The following OLFM3 variants were observed in gnomAD, a reference collection of about 807,000 sequenced individuals.
The protein encoded by OLFM3 is noelin-3.
A neutral mutation model predicts 48.6 loss-of-function variants in OLFM3; 20 were observed. The observed-to-expected ratio is 0.41, with a 90% confidence interval of 0.29 to 0.60. OLFM3 has a LOEUF of 0.60. Among genes scored for constraint, OLFM3 ranks in the 20% least tolerant of loss-of-function variants. OLFM3 has a pLI of 0.28. For synonymous variants in OLFM3, 222 were observed against 198.1 expected, an observed-to-expected ratio of 1.12 and a Z score of -1.01; for missense variants, 437 against 544.3, an observed-to-expected ratio of 0.80 and a Z score of 1.96.
At chr1:101,922,412 C>A (rs922320597) in intron 1 of OLFM3, among the ~76,000 whole-genome samples, 2 of 152,150 alleles carry the variant, frequency 1.3e-5, no homozygotes, top group Non-Finnish European at 1.5e-5. Flanking sequence ...CCCATACATA[C>A]AGCTGATCTC....
At chr1:101,859,233 G>C (rs189236873) in intron 1 of OLFM3, among the ~76,000 whole-genome samples, 85 of 152,162 alleles carry the variant, frequency 5.6e-4, no homozygotes, top group Admixed American at 4.6e-4. Flanking sequence ...ATGTCTTTAT[G>C]GAGTTTCAGG....
At chr1:101,934,708 T>C (rs954682095) in intron 1 of OLFM3, among the ~76,000 whole-genome samples, 32 of 151,752 alleles carry the variant, frequency 2.1e-4, no homozygotes, top group African/African-American at 7.8e-4. Context: ...AAATCAACCA[T>C]GCATTCAGCC....
chr1:101,867,464 T>A (rs903718769), intron 1 of OLFM3, among the ~76,000 whole-genome samples: 3 of 152,196 alleles, frequency 2.0e-5, no homozygotes, highest in Admixed American at 6.5e-5. Flanking sequence ...GTTTATAAAG[T>A]CAATCTAGAC....
chr1:101,899,736 C>G (rs955410956), intron 1 of OLFM3, among the ~76,000 whole-genome samples: 3 of 151,890 alleles, frequency 2.0e-5, no homozygotes, highest in Non-Finnish European at 4.4e-5. Context: ...TAAAAAAATA[C>G]AAAACTGTTT....
intron 4 of OLFM3, among the ~76,000 whole-genome samples, chr1:101,822,878 A>T (rs1450860044): frequency 6.7e-6 from 1 of 150,180 alleles, no homozygotes; most frequent in African/African-American, 2.4e-5. Flanking sequence ...AAAGCAGAGC[A>T]TGTAAAATAA....
chr1:101,844,760 A>AATTTTC (rs1655903490), intron 1 of OLFM3, among the ~76,000 whole-genome samples: 1 of 152,144 alleles, frequency 6.6e-6, no homozygotes, highest in Non-Finnish European at 1.5e-5. Context: ...TTATGTTTTG[A>AATTTTC]ATTTTCATTT....
At chr1:101,904,786 A>G (rs1411589631) in intron 1 of OLFM3, among the ~76,000 whole-genome samples, 1 of 152,056 alleles carries the variant, frequency 6.6e-6, no homozygotes, top group East Asian at 1.9e-4. Context: ...ATTATGAAAA[A>G]CAGCCATCCA....
At chr1:101,937,677 T>G (rs1398394035) in intron 1 of OLFM3, among the ~76,000 whole-genome samples, 1 of 152,160 alleles carries the variant, frequency 6.6e-6, no homozygotes, top group Non-Finnish European at 1.5e-5. Flanking sequence ...ATTAAACCTC[T>G]TTTTCCTCCC....
At chr1:101,865,093 C>A (rs1656804565) in intron 1 of OLFM3, among the ~76,000 whole-genome samples, 1 of 152,158 alleles carries the variant, frequency 6.6e-6, no homozygotes, top group Admixed American at 6.6e-5. Flanking sequence ...TTTCTGCCTC[C>A]TCCTTATGTA....
At chr1:101,845,179 T>C (rs865943094) in intron 1 of OLFM3, among the ~76,000 whole-genome samples, 15 of 152,104 alleles carry the variant, frequency 9.9e-5, no homozygotes, top group Middle Eastern at 3.4e-3. Context: ...TATTATTTTC[T>C]TATTATTATT....
intron 1 of OLFM3, among the ~76,000 whole-genome samples, chr1:101,849,826 G>A (rs901234065): frequency 6.6e-6 from 1 of 152,162 alleles, no homozygotes; most frequent in Admixed American, 6.5e-5. Flanking sequence ...TTTGGATGAT[G>A]AGCGTCAATC....
rs74106136 is a variant in OLFM3 at position 101,836,930 on chromosome 1, G to A, written c.165C>T (p.Asn55=). Residue 55 remains asparagine (N), a synonymous_variant, in exon 2 of 6, where the codon AAC becomes AAT. Transcript: ENST00000370103. Reference sequence around the variant, plus strand: ...TGCTTTTGGCATCCCGGGAACACAGGTTTTGTTCTGGAGCAACAACTGTGC... The same window carrying A: ...TGCTTTTGGCATCCCGGGAACACAGATTTTGTTCTGGAGCAACAACTGTGC... ...CICTVVAPEQ[N]LCSRDAKSRQ... The A allele has an allele frequency of 1.0e-3, 1,676 of 1,614,096 alleles. 17 individuals are homozygous for A. In the African/African-American group the frequency reaches 0.019, roughly 19 times the overall value.
At chr1:101,890,096 A>G (rs1285537412) in intron 1 of OLFM3, among the ~76,000 whole-genome samples, 2 of 152,080 alleles carry the variant, frequency 1.3e-5, no homozygotes, top group African/African-American at 2.4e-5. Flanking sequence ...CCTTTTAATG[A>G]TCTTGGAAAA....
At chr1:101,977,907 A>G (rs1402292570) in intron 1 of OLFM3, among the ~76,000 whole-genome samples, 1 of 152,150 alleles carries the variant, frequency 6.6e-6, no homozygotes, top group East Asian at 1.9e-4. Context: ...ATGAAAAATA[A>G]TATGTTTATA....
chr1:101,871,822 A>G (rs969764603), intron 1 of OLFM3, among the ~76,000 whole-genome samples: 1 of 152,124 alleles, frequency 6.6e-6, no homozygotes, highest in Non-Finnish European at 1.5e-5. Context: ...TGAAACTAGA[A>G]TTTACATTAA....
intron 1 of OLFM3, among the ~76,000 whole-genome samples, chr1:101,839,485 G>C (rs1570547162): frequency 6.6e-6 from 1 of 152,094 alleles, no homozygotes; most frequent in East Asian, 1.9e-4. Flanking sequence ...GTTTTAGCTG[G>C]GCATCTCCTA....
chr1:101,859,495 T>C (rs1656563469), intron 1 of OLFM3, among the ~76,000 whole-genome samples: 1 of 152,058 alleles, frequency 6.6e-6, no homozygotes, highest in Non-Finnish European at 1.5e-5. Context: ...AAGCAGCCTC[T>C]AGATTTCACA....
At chr1:101,887,797 A>G (rs1300718966) in intron 1 of OLFM3, among the ~76,000 whole-genome samples, 2 of 152,032 alleles carry the variant, frequency 1.3e-5, no homozygotes, top group Non-Finnish European at 2.9e-5. Flanking sequence ...TTAAAATTCT[A>G]CAAATCCCAC....
At chr1:101,857,550 A>G (rs566401095) in intron 1 of OLFM3, among the ~76,000 whole-genome samples, 3 of 151,972 alleles carry the variant, frequency 2.0e-5, no homozygotes, top group African/African-American at 7.2e-5. Flanking sequence ...CTGAAAATGG[A>G]TCAGCTTTGC....
Sources: allele counts gnomAD v4.1 joint callset (sites outside exome capture counted in the v4.1 genomes callset), GRCh38; gene constraint gnomAD v4.1.1; transcripts MANE v1.5; gene names NCBI Gene and HGNC (gene_info 2026-07-23, HGNC 2026-07-21).